The following RGS6 variants were observed in gnomAD, a reference collection of about 807,000 sequenced individuals.
RGS6 encodes the protein regulator of G protein signaling 6.
RGS6 carries 30 observed loss-of-function variants against 78.5 expected under a neutral mutation model. The ratio of observed to expected loss-of-function variants is 0.38; its 90% CI spans 0.29 to 0.52. The LOEUF is 0.52. Among genes scored for constraint, RGS6 ranks in the 20% least tolerant of loss-of-function variants. RGS6 has a pLI of 0.85. For missense variants in RGS6, 495 were observed against 609.7 expected (o/e 0.81, Z 1.98); for synonymous variants, 206 against 206.0 (o/e 1.00, Z 0.00).
chr14:72,019,358 G>A (rs1349351343), intron 2 of RGS6, among the ~76,000 whole-genome samples: 1 of 152,124 alleles, frequency 6.6e-6, no homozygotes, highest in East Asian at 1.9e-4. Context: ...GTCTCACCTG[G>A]TAATTCTAAG....
At chr14:72,147,045 A>G (rs1302196856) in intron 2 of RGS6, among the ~76,000 whole-genome samples, 1 of 152,190 alleles carries the variant, frequency 6.6e-6, no homozygotes, top group Non-Finnish European at 1.5e-5. Flanking sequence ...CTTCATCAGG[A>G]TGGCCATTAC....
At chr14:72,123,712 A>G (rs2096116532) in intron 2 of RGS6, among the ~76,000 whole-genome samples, 1 of 152,236 alleles carries the variant, frequency 6.6e-6, no homozygotes, top group Non-Finnish European at 1.5e-5. Flanking sequence ...AGTTTAGGTG[A>G]TAATTATTTT....
At chr14:72,503,034 C>T (rs2096749474) in intron 13 of RGS6, among the ~76,000 whole-genome samples, 1 of 152,064 alleles carries the variant, frequency 6.6e-6, no homozygotes, top group Non-Finnish European at 1.5e-5. Context: ...AAATTTTTTT[C>T]ACAGTTCTGG....
intron 3 of RGS6, among the ~76,000 whole-genome samples, chr14:72,435,710 C>G (rs1260226828): frequency 6.6e-6 from 1 of 152,030 alleles, no homozygotes; most frequent in African/African-American, 2.4e-5. Context: ...CAGCAGCTCT[C>G]TGGCATGTTT....
At chr14:72,528,370 G>C (rs1372034694) in intron 15 of RGS6, among the ~76,000 whole-genome samples, 1 of 152,192 alleles carries the variant, frequency 6.6e-6, no homozygotes, top group Non-Finnish European at 1.5e-5. Flanking sequence ...TGAAGGTGGA[G>C]TGGCTCATCG....
chr14:72,013,242 G>A (rs2086185811), intron 2 of RGS6, among the ~76,000 whole-genome samples: 1 of 121,292 alleles, frequency 8.2e-6, no homozygotes, highest in African/African-American at 3.3e-5. Flanking sequence ...CTGCACTCCA[G>A]CCTAGGTGAC....
At chr14:72,058,075 G>GTTT (rs112257816) in intron 2 of RGS6, among the ~76,000 whole-genome samples, 9 of 135,036 alleles carry the variant, frequency 6.7e-5, no homozygotes, top group African/African-American at 2.2e-4. Context: ...TTTATGAGGT[G>GTTT]TTTTTTTTTT....
intron 2 of RGS6, among the ~76,000 whole-genome samples, chr14:72,106,291 TA>T (rs1340337674): frequency 6.6e-6 from 1 of 152,176 alleles, no homozygotes; most frequent in Admixed American, 6.5e-5. Flanking sequence ...ATTCCCAAAA[TA>T]TGGTCTCCAG....
intron 2 of RGS6, among the ~76,000 whole-genome samples, chr14:72,097,801 G>A (rs1303485613): frequency 1.3e-5 from 2 of 152,098 alleles, no homozygotes; most frequent in African/African-American, 4.8e-5. Flanking sequence ...CACAATTCCT[G>A]TGCCTATCAC....
At position 72,396,687 on chromosome 14, in the gene RGS6, G is replaced by T. The variant is rs141555266; in HGVS notation, c.184+44493G>T. 6.2e-3 allele frequency among the ~76,000 whole-genome samples: 950 copies of T among 152,218 alleles called. 10 individuals carry two copies. Among genetic ancestry groups the T allele is most frequent in the African/African-American group, 0.022 (910 of 41,530 alleles). On this transcript the variant is annotated intron_variant, in intron 3 of 17. Transcript: ENST00000553525. ...GTTTTTATGGTTTTAGGTCTAACAT[G>T]TAAGTCTTTAATCCATCTTGAATTA...
chr14:72,537,544 G>A (rs1189334108), intron 16 of RGS6: 1 of 702,374 alleles, frequency 1.4e-6, no homozygotes, highest in Non-Finnish European at 2.6e-6. Flanking sequence ...GGGCAGTGTG[G>A]AGCCTGGCCT....
chr14:72,131,254 C>T (rs545761168), intron 2 of RGS6, among the ~76,000 whole-genome samples: 20 of 152,298 alleles, frequency 1.3e-4, no homozygotes, highest in Non-Finnish European at 2.2e-4. Context: ...TTTTTGGCAT[C>T]GTTATCTCAG....
chr14:72,505,063 A>G (rs1343178384), intron 13 of RGS6, among the ~76,000 whole-genome samples: 2 of 151,136 alleles, frequency 1.3e-5, no homozygotes, highest in African/African-American at 2.4e-5. Flanking sequence ...GGCGTGAGCC[A>G]CTGCACCCAG....
chr14:72,457,082 TC>T (rs2095649598), intron 4 of RGS6, among the ~76,000 whole-genome samples: 1 of 94,244 alleles, frequency 1.1e-5, no homozygotes, highest in Non-Finnish European at 1.9e-5. Flanking sequence ...CAGACCTGTC[TC>T]TAAAAAAAAA....
At chr14:72,442,714 G>A (rs908960722) in intron 3 of RGS6, among the ~76,000 whole-genome samples, 12 of 152,188 alleles carry the variant, frequency 7.9e-5, no homozygotes, top group Admixed American at 5.9e-4. Flanking sequence ...CACTTCTATC[G>A]TATTCTACAG....
chr14:72,453,977 C>T (rs560435444), intron 3 of RGS6, among the ~76,000 whole-genome samples: 1 of 152,198 alleles, frequency 6.6e-6, no homozygotes, highest in African/African-American at 2.4e-5. Context: ...GAACTCAGTC[C>T]ATATCTAAGT....
At chr14:71,993,806 T>G (rs1054335118) in intron 2 of RGS6, among the ~76,000 whole-genome samples, 6 of 152,084 alleles carry the variant, frequency 3.9e-5, no homozygotes, top group African/African-American at 1.4e-4. Flanking sequence ...CTTGTATTAT[T>G]ATGAAGATTA....
At chr14:72,400,644 T>C (rs1002247784) in intron 3 of RGS6, among the ~76,000 whole-genome samples, 1 of 152,220 alleles carries the variant, frequency 6.6e-6, no homozygotes, top group Non-Finnish European at 1.5e-5. Flanking sequence ...AGCCTCATAA[T>C]TGTTCAGTAT....
intron 2 of RGS6, among the ~76,000 whole-genome samples, chr14:72,110,487 C>T (rs919912061): frequency 3.9e-5 from 6 of 152,136 alleles, no homozygotes; most frequent in African/African-American, 7.2e-5. Flanking sequence ...TTGACTCTCT[C>T]GGCAGAAAGT....
Sources: gnomAD v4.1 joint callset for allele counts (sites outside exome capture counted in the v4.1 genomes callset) on GRCh38, gnomAD v4.1.1 for gene constraint, MANE v1.5 for transcripts, NCBI Gene and HGNC (gene_info 2026-07-23, HGNC 2026-07-21) for gene names.